The following C12orf42 variants were observed in gnomAD, a reference collection of about 807,000 sequenced individuals.
C12orf42 encodes chromosome 12 open reading frame 42, also known as uncharacterized protein C12orf42.
In C12orf42, 25 loss-of-function variants were observed where a neutral mutation model predicts 21.6. The ratio of observed to expected loss-of-function variants is 1.16; its 90% CI spans 0.84 to 1.62. The LOEUF (loss-of-function observed/expected upper bound fraction) is 1.62, where lower values mean the gene tolerates loss of function less well. Among genes scored for constraint, C12orf42 ranks in the 40% most tolerant of loss-of-function variants. The pLI is 0.00. For missense variants in C12orf42, 483 were observed against 459.3 expected (o/e 1.05, Z -0.47); for synonymous variants, 174 against 175.0 (o/e 0.99, Z 0.05).
At chr12:103,543,886 T>TTTTG in the C12orf42 span, among the ~76,000 whole-genome samples, 1 of 112,730 alleles carries the variant, frequency 8.9e-6, no homozygotes, top group African/African-American at 4.1e-5. Flanking sequence ...TTGGGTTTTT[T>TTTTG]TTTTGTTTTG....
intron 4 of C12orf42, among the ~76,000 whole-genome samples, chr12:103,283,626 A>G (rs2036267386): frequency 6.6e-6 from 1 of 152,022 alleles, no homozygotes; most frequent in Non-Finnish European, 1.5e-5. Flanking sequence ...CACATCTGAA[A>G]TACTCTTCCA....
the C12orf42 span, chr12:103,559,551 A>G: frequency 1.3e-5 from 2 of 152,238 alleles, no homozygotes; most frequent in African/African-American, 4.8e-5. Context: ...ACAGCACCAA[A>G]GAGAGTGTTT....
the C12orf42 span, among the ~76,000 whole-genome samples, chr12:103,089,147 A>AGT: frequency 3.6e-3 from 512 of 143,044 alleles, 1 homozygote; most frequent in African/African-American, 0.013. Context: ...CAACCCCTTG[A>AGT]GTGTGCAATC....
chr12:103,331,364 C>T (rs535610754), intron 4 of C12orf42, among the ~76,000 whole-genome samples: 1 of 152,192 alleles, frequency 6.6e-6, no homozygotes, highest in Non-Finnish European at 1.5e-5. Flanking sequence ...AAGTCGAGAA[C>T]CATCTATAGT....
At chr12:103,220,926 C>G in the C12orf42 span, among the ~76,000 whole-genome samples, 146 of 152,332 alleles carry the variant, frequency 9.6e-4, no homozygotes, top group Non-Finnish European at 1.7e-3. Flanking sequence ...TTTCTAATCT[C>G]TAACTGACTA....
chr12:103,264,631 TAAGTTAGC>T (rs2136233507), downstream of C12orf42, among the ~76,000 whole-genome samples: 1 of 152,294 alleles, frequency 6.6e-6, no homozygotes, highest in East Asian at 1.9e-4. Context: ...CAACAAATAA[TAAGTTAGC>T]AAGTTATTTT....
the C12orf42 span, among the ~76,000 whole-genome samples, chr12:103,550,928 T>C: frequency 6.6e-6 from 1 of 152,052 alleles, no homozygotes; most frequent in African/African-American, 2.4e-5. Flanking sequence ...TTAATTATAT[T>C]TACAATGAGG....
At chr12:103,182,309 T>A in the C12orf42 span, among the ~76,000 whole-genome samples, 1 of 152,100 alleles carries the variant, frequency 6.6e-6, no homozygotes, top group African/African-American at 2.4e-5. Context: ...GTAAATGAGG[T>A]TAAGGCATTA....
intron 4 of C12orf42, among the ~76,000 whole-genome samples, chr12:103,312,607 G>T (rs916251255): frequency 6.6e-6 from 1 of 152,142 alleles, no homozygotes; most frequent in Non-Finnish European, 1.5e-5. Context: ...TGAGGCAAGG[G>T]CACAACTTTT....
At chr12:103,388,475 C>T (rs1011277147) in intron 3 of C12orf42, among the ~76,000 whole-genome samples, 2 of 152,170 alleles carry the variant, frequency 1.3e-5, no homozygotes, top group African/African-American at 2.4e-5. Context: ...CTTTCTCTCT[C>T]CCTCTTCCCC....
In C12orf42 at chr12:103,294,462, GA is replaced by G. The variant is rs200877929; in HGVS notation, n.338-17253del. 5.4e-3 allele frequency among the ~76,000 whole-genome samples: 608 copies of G among 112,806 alleles called. 11 individuals are homozygous for G. Among genetic ancestry groups the G allele is most frequent in the African/African-American group, 0.023 (547 of 23,718 alleles). 74.0% of individuals were successfully genotyped at this position (112,806 alleles called of 152,430 possible). On this transcript the variant is annotated intron_variant and non_coding_transcript_variant, in intron 4 of 6. Transcript: ENST00000546526. ...AGAAAGAAAGAAAGAAAGAAAGAAAGAAAGAAAGAAATAAGCAAGCAAGCAA... is the reference window on the plus strand; with the variant it reads ...AGAAAGAAAGAAAGAAAGAAAGAAAGAAGAAAGAAATAAGCAAGCAAGCAA...
At chr12:103,184,885 C>T in the C12orf42 span, among the ~76,000 whole-genome samples, 3 of 152,004 alleles carry the variant, frequency 2.0e-5, no homozygotes, top group South Asian at 4.1e-4. Context: ...AGGATGTAGA[C>T]AGGTGAATGC....
the C12orf42 span, among the ~76,000 whole-genome samples, chr12:103,167,879 C>CGT: frequency 0.028 from 3,765 of 134,130 alleles, 73 homozygotes; most frequent in African/African-American, 0.065. Context: ...GAGGGGTGGG[C>CGT]GTGTGTGTGT....
intron 1 of C12orf42, among the ~76,000 whole-genome samples, chr12:103,486,445 G>A (rs890581951): frequency 6.7e-6 from 1 of 149,882 alleles, no homozygotes; most frequent in African/African-American, 2.5e-5. Context: ...TTTTTTTTTT[G>A]TTTTGGTATC....
the C12orf42 span, among the ~76,000 whole-genome samples, chr12:103,090,298 T>C: frequency 6.6e-6 from 1 of 152,178 alleles, no homozygotes; most frequent in South Asian, 2.1e-4. Flanking sequence ...CCTTGTGACA[T>C]TGGATGGGAT....
intron 4 of C12orf42, among the ~76,000 whole-genome samples, chr12:103,279,813 C>T (rs1451454454): frequency 2.0e-5 from 3 of 152,130 alleles, no homozygotes; most frequent in Non-Finnish European, 4.4e-5. Context: ...AAAGATGGGA[C>T]ACCATGGCAT....
the C12orf42 span, among the ~76,000 whole-genome samples, chr12:103,541,972 C>T: frequency 1.3e-5 from 2 of 152,158 alleles, no homozygotes; most frequent in Non-Finnish European, 2.9e-5. Context: ...TCCACCACAG[C>T]TACAATCTTG....
At chr12:103,492,411 G>A (rs561225612) in intron 1 of C12orf42, among the ~76,000 whole-genome samples, 17 of 152,326 alleles carry the variant, frequency 1.1e-4, no homozygotes, top group Admixed American at 2.6e-4. Context: ...ACAGGTCTTC[G>A]TCCTAATATT....
intron 4 of C12orf42, among the ~76,000 whole-genome samples, chr12:103,368,647 G>A (rs1013549285): frequency 2.0e-5 from 3 of 152,024 alleles, no homozygotes; most frequent in Non-Finnish European, 4.4e-5. Flanking sequence ...TGAAGACAAC[G>A]GGGAAATTAA....
Sources: allele counts gnomAD v4.1 joint callset (sites outside exome capture counted in the v4.1 genomes callset), GRCh38; gene constraint gnomAD v4.1.1; transcripts MANE v1.5; gene names NCBI Gene and HGNC (gene_info 2026-07-23, HGNC 2026-07-21).